Variants in ADAMTS6 observed in about 807,000 individuals in gnomAD.
ADAMTS6 encodes the protein ADAM metallopeptidase with thrombospondin type 1 motif 6, also known as A disintegrin and metalloproteinase with thrombospondin motifs 6.
Under a neutral mutation model 144.3 loss-of-function variants are expected in ADAMTS6, and 23 were observed. That is an observed-to-expected ratio of 0.16 (90% CI 0.11 to 0.23). The LOEUF (loss-of-function observed/expected upper bound fraction) is 0.23. Among genes scored for constraint, ADAMTS6 ranks in the 10% least tolerant of loss-of-function variants. The probability of loss-of-function intolerance (pLI) is 1.00; values close to 1 mark genes in which losing one functional copy is unlikely to be tolerated. For missense variants in ADAMTS6, 999 were observed against 1,379.6 expected, an observed-to-expected ratio of 0.72 and a Z score of 4.37; for synonymous variants, 444 against 457.5, an observed-to-expected ratio of 0.97 and a Z score of 0.38.
intron 22 of ADAMTS6, among the ~76,000 whole-genome samples, chr5:65,181,345 C>T (rs1754338547): frequency 6.6e-6 from 1 of 152,144 alleles, no homozygotes; most frequent in African/African-American, 2.4e-5. Flanking sequence ...CGCTTCATGC[C>T]AAGTCTCCTC....
intron 7 of ADAMTS6, among the ~76,000 whole-genome samples, chr5:65,375,816 GTTTA>G (rs1751476689): frequency 6.6e-6 from 1 of 152,162 alleles, no homozygotes; most frequent in South Asian, 2.1e-4. Context: ...GCACACGTAT[GTTTA>G]TTACGGCATT....
At chr5:65,200,388 T>C (rs1223825713) in intron 20 of ADAMTS6, among the ~76,000 whole-genome samples, 2 of 152,336 alleles carry the variant, frequency 1.3e-5, no homozygotes, top group East Asian at 3.9e-4. Context: ...TGAGTTTAGA[T>C]TCTTTTTATA....
At chr5:65,411,204 T>C (rs1396239152) in intron 7 of ADAMTS6, among the ~76,000 whole-genome samples, 1 of 152,168 alleles carries the variant, frequency 6.6e-6, no homozygotes, top group Non-Finnish European at 1.5e-5. Context: ...AATCTATTTA[T>C]CCATCGGTCA....
At position 65,451,550 on chromosome 5, in the gene ADAMTS6, A is replaced by G; in HGVS notation, c.998T>C (p.Leu333Pro). The G allele has an allele frequency of 6.2e-7, 1 of 1,613,452 alleles. No homozygotes were observed. ...DSFCKWQKSI[L>P]SHQSDGNTIP... is the part of the protein sequence containing the mutation. ...GGTGTTTCCATCACTTTGGTGGGAG[A>G]GAATGGATTTCTGCCATTTACAGAA... Residue 333 changes from leucine (L) to proline (P), a missense_variant, in exon 7 of 25, where the codon CTC (leucine) becomes CCC (proline). Physicochemically the swap from Leu to Pro is moderately conservative, Grantham distance 98. Around this residue, in one of 3 missense-constraint regions of ADAMTS6, gnomAD observed 128 missense variants for 249.0 expected, o/e 0.51. Transcript: ENST00000381055.
intron 14 of ADAMTS6, among the ~76,000 whole-genome samples, chr5:65,259,038 T>C (rs1231243168): frequency 1.3e-5 from 2 of 152,076 alleles, no homozygotes; most frequent in Non-Finnish European, 2.9e-5. Context: ...TCTTGGGTAC[T>C]CTAACATTGA....
chr5:65,275,271 G>A (rs1372999568), intron 11 of ADAMTS6, among the ~76,000 whole-genome samples: 1 of 145,282 alleles, frequency 6.9e-6, no homozygotes, highest in African/African-American at 2.5e-5. Flanking sequence ...AGGTAGGGAG[G>A]GAGGGAAAGG....
intron 7 of ADAMTS6, among the ~76,000 whole-genome samples, chr5:65,374,062 T>G (rs1354074987): frequency 6.6e-6 from 1 of 152,184 alleles, no homozygotes; most frequent in Non-Finnish European, 1.5e-5. Flanking sequence ...TCAACAACCC[T>G]TCATGCTAAA....
intron 7 of ADAMTS6, among the ~76,000 whole-genome samples, chr5:65,412,100 T>A (rs1462900856): frequency 6.6e-6 from 1 of 152,200 alleles, no homozygotes; most frequent in East Asian, 1.9e-4. Flanking sequence ...GAAATTTAAG[T>A]ACAAAGTAAA....
intron 1 of ADAMTS6, among the ~76,000 whole-genome samples, chr5:65,476,756 G>A (rs1407552106): frequency 1.3e-5 from 2 of 151,886 alleles, no homozygotes; most frequent in East Asian, 1.9e-4. Context: ...TTACAGATGC[G>A]TGCCACCATG....
chr5:65,224,482 C>T (rs1757572324), intron 17 of ADAMTS6, 82 bp from the exon 18 acceptor site: 1 of 1,165,104 alleles, frequency 8.6e-7, no homozygotes, highest in African/African-American at 1.5e-5. Context: ...TAATAGTTTC[C>T]TTATTATTCC....
At chr5:65,314,358 A>G (rs933963564) in intron 9 of ADAMTS6, among the ~76,000 whole-genome samples, 1 of 151,980 alleles carries the variant, frequency 6.6e-6, no homozygotes, top group African/African-American at 2.4e-5. Flanking sequence ...ACACATCCAC[A>G]CCCACACCCC....
chr5:65,260,705 T>C (rs1025540272), intron 13 of ADAMTS6, 42 bp from the exon 14 acceptor site: 1 of 1,476,998 alleles, frequency 6.8e-7, no homozygotes, highest in Non-Finnish European at 9.5e-7. Flanking sequence ...CTAATACATC[T>C]GTCCATACAA....
intron 4 of ADAMTS6, 39 bp from the exon 5 acceptor site, chr5:65,452,957 TA>T (rs1758869244): frequency 6.8e-7 from 1 of 1,463,062 alleles, no homozygotes; most frequent in South Asian, 1.2e-5. Flanking sequence ...GTTCACTAAT[TA>T]AAAATATTTA....
chr5:65,369,940 T>C (rs190245936), intron 7 of ADAMTS6, among the ~76,000 whole-genome samples: 212 of 149,010 alleles, frequency 1.4e-3, no homozygotes, highest in African/African-American at 5.0e-3. Context: ...AGGGAAGTTA[T>C]TTTTTTTTCC....
At chr5:65,479,648 C>T (rs1433152050) in intron 1 of ADAMTS6, among the ~76,000 whole-genome samples, 1 of 152,172 alleles carries the variant, frequency 6.6e-6, no homozygotes, top group Non-Finnish European at 1.5e-5. Context: ...TTCATTCACT[C>T]ACTAAAGTCA....
At chr5:65,345,627 G>A (rs1232094105) in intron 7 of ADAMTS6, among the ~76,000 whole-genome samples, 1 of 151,718 alleles carries the variant, frequency 6.6e-6, no homozygotes, top group African/African-American at 2.4e-5. Flanking sequence ...ATCAGGAAAG[G>A]TTTGATTATA....
chr5:65,388,110 T>C (rs1752621788), intron 7 of ADAMTS6, among the ~76,000 whole-genome samples: 1 of 151,982 alleles, frequency 6.6e-6, no homozygotes, highest in Admixed American at 6.6e-5. Context: ...TTCGGGAGGA[T>C]GAGACAGGAG....
intron 10 of ADAMTS6, among the ~76,000 whole-genome samples, chr5:65,294,019 C>CA (rs1742584762): frequency 6.6e-6 from 1 of 152,124 alleles, no homozygotes; most frequent in African/African-American, 2.4e-5. Context: ...TATATTTGTA[C>CA]AAATTAGCAA....
At chr5:65,396,723 A>G (rs1753370509) in intron 7 of ADAMTS6, among the ~76,000 whole-genome samples, 1 of 152,146 alleles carries the variant, frequency 6.6e-6, no homozygotes, top group Non-Finnish European at 1.5e-5. Context: ...CTTTTTATAC[A>G]TTGCTGGATT....
Sources: allele counts gnomAD v4.1 joint callset (sites outside exome capture counted in the v4.1 genomes callset), GRCh38; gene constraint gnomAD v4.1.1; regional missense constraint gnomAD v4.1.1; transcripts MANE v1.5; gene names NCBI Gene and HGNC (gene_info 2026-07-23, HGNC 2026-07-21).